The following ELF2 variants were observed in gnomAD, a reference collection of about 807,000 sequenced individuals.
ELF2 encodes the protein E74 like ETS transcription factor 2, also known as ETS-related transcription factor Elf-2.
Under a neutral mutation model 54.8 loss-of-function variants are expected in ELF2, and 11 were observed. The observed-to-expected ratio is 0.20, with a 90% CI of 0.13 to 0.33. The LOEUF (loss-of-function observed/expected upper bound fraction) is 0.33, where lower values mean the gene tolerates loss of function less well. Among genes scored for constraint, ELF2 ranks in the 10% least tolerant of loss-of-function variants. The pLI is 1.00. For synonymous variants in ELF2, 203 were observed against 245.1 expected, an observed-to-expected ratio of 0.83 and a Z score of 1.61; for missense variants, 513 against 703.0, an observed-to-expected ratio of 0.73 and a Z score of 3.06.
chr4:139,129,481 T>C (rs1215987422), intron 3 of ELF2, among the ~76,000 whole-genome samples: 1 of 152,216 alleles, frequency 6.6e-6, no homozygotes, highest in African/African-American at 2.4e-5. Context: ...CTACCAACTT[T>C]AACATCACTA....
In ELF2 at chr4:139,153,966, A is replaced by G. The variant is rs1740281502; in HGVS notation, c.-251-14469T>C. On this transcript the variant is annotated intron_variant, in intron 1 of 9. Coordinates refer to ENST00000686138, the MANE Select transcript of ELF2 (RefSeq NM_001331036.3). The stretch of plus-strand genomic sequence containing the variant: ...TTTATTTTTTCTTTCCCCTTTCCCT[A>G]CTGTCCCCTTTTTCCCCTTTAAAGG... Among the ~76,000 whole-genome samples, 3 of 151,936 alleles carry G rather than the reference A, an allele frequency of 2.0e-5. No individual in the cohort carries two copies. In the South Asian group the frequency reaches 6.2e-4, roughly 32 times the overall value.
At chr4:139,177,780 A>C (rs1355353581), upstream of ELF2, among the ~76,000 whole-genome samples, 2 of 152,034 alleles carry the variant, frequency 1.3e-5, no homozygotes, top group Non-Finnish European at 2.9e-5. Context: ...CGCATCCCCA[A>C]CTCAGGACTC....
chr4:139,091,209 C>A (rs1226546708), intron 4 of ELF2, among the ~76,000 whole-genome samples: 1 of 152,092 alleles, frequency 6.6e-6, no homozygotes, highest in Non-Finnish European at 1.5e-5. Context: ...GGATTAAAGG[C>A]GTGAGCCACC....
chr4:139,086,799 A>AT (rs1277599291), intron 4 of ELF2, among the ~76,000 whole-genome samples: 1 of 152,228 alleles, frequency 6.6e-6, no homozygotes, highest in Non-Finnish European at 1.5e-5. Flanking sequence ...TACAGTGGGT[A>AT]TAATTACCAC....
chr4:139,065,125 G>A (rs754450865), intron 7 of ELF2, among the ~76,000 whole-genome samples: 5 of 152,086 alleles, frequency 3.3e-5, no homozygotes, highest in Non-Finnish European at 5.9e-5. Flanking sequence ...CTGTACATAA[G>A]ATATCTGAAT....
intron 1 of ELF2, among the ~76,000 whole-genome samples, chr4:139,158,126 G>A (rs1260202146): frequency 6.6e-6 from 1 of 152,158 alleles, no homozygotes; most frequent in Admixed American, 6.5e-5. Flanking sequence ...GGTAGGTAAT[G>A]GAAAATTACA....
rs1489827039 is a variant in ELF2 at position 139,125,333 on chromosome 4, T to C, written c.73-4A>G. On this transcript the variant is annotated splice_region_variant and splice_polypyrimidine_tract_variant and intron_variant, in intron 3 of 9. Transcript: ENST00000686138. ...ATTCAGAAACCTTTTCACTTTCCTA[T>C]AAGAGCAAATTTAAAGAACAATCAA... is the stretch of plus-strand genomic sequence containing the variant. 1 of 1,602,574 alleles carries C rather than the reference T, an allele frequency of 6.2e-7. No individual in the cohort carries two copies. The highest frequency in any genetic ancestry group is 2.2e-5 in the East Asian group (1 of 44,832).
In ELF2 at chr4:139,073,582, A is replaced by C. The variant is rs367769301; in HGVS notation, c.239-15T>G. On this transcript the variant is annotated splice_polypyrimidine_tract_variant and intron_variant, in intron 4 of 9. Transcript: ENST00000686138. ...TGATGCTTCCACTGGAGGAAAAATA[A>C]GTTCTACTCAATTAAAAATACACTA... 8 of 1,477,790 alleles carry C rather than the reference A, an allele frequency of 5.4e-6. No individual in the cohort carries two copies. Among genetic ancestry groups the C allele is most frequent in the African/African-American group, 1.4e-5 (1 of 71,596 alleles). 91.5% of individuals were successfully genotyped at this position (1,477,790 alleles called of 1,614,324 possible).
chr4:139,084,490 CA>C (rs1345715066), intron 4 of ELF2: 13 of 953,258 alleles, frequency 1.4e-5, no homozygotes, highest in Non-Finnish European at 1.0e-5. Flanking sequence ...CCGCAGCTGG[CA>C]ACGCGATCCT....
chr4:139,095,125 T>C (rs1206051577), intron 4 of ELF2, among the ~76,000 whole-genome samples: 11 of 152,096 alleles, frequency 7.2e-5, no homozygotes, highest in Admixed American at 7.2e-4. Context: ...ATAATAATTC[T>C]AGTTAGTAAA....
chr4:139,175,812 A>G (rs1742847917), intron 1 of ELF2, among the ~76,000 whole-genome samples: 1 of 152,236 alleles, frequency 6.6e-6, no homozygotes, highest in Non-Finnish European at 1.5e-5. Flanking sequence ...TTTTACAATG[A>G]CGTGTCCCCC....
At chr4:139,090,999 T>C (rs1217850393) in intron 4 of ELF2, among the ~76,000 whole-genome samples, 1 of 152,100 alleles carries the variant, frequency 6.6e-6, no homozygotes, top group Admixed American at 6.6e-5. Flanking sequence ...AGTGGCGCAA[T>C]CTGGGCTCAC....
At chr4:139,115,377 C>T (rs1396454571) in intron 4 of ELF2, 2 of 1,056,666 alleles carry the variant, frequency 1.9e-6, no homozygotes, top group Non-Finnish European at 1.1e-6. Context: ...TCCGCCATGG[C>T]GGCCGCCGGG....
intron 4 of ELF2, among the ~76,000 whole-genome samples, chr4:139,078,771 G>A (rs1730671457): frequency 6.6e-6 from 1 of 151,744 alleles, no homozygotes. Context: ...GCTATCCTCC[G>A]ACCTTTTTTA....
intron 4 of ELF2, among the ~76,000 whole-genome samples, chr4:139,085,652 G>T (rs985904700): frequency 6.6e-6 from 1 of 152,090 alleles, no homozygotes; most frequent in Non-Finnish European, 1.5e-5. Context: ...CCCAAAAAAA[G>T]AACCTACATG....
At chr4:139,108,077 AG>A (rs1375721003) in intron 4 of ELF2, among the ~76,000 whole-genome samples, 5 of 152,216 alleles carry the variant, frequency 3.3e-5, no homozygotes, top group Non-Finnish European at 7.4e-5. Context: ...GCTTTATGAA[AG>A]AAAATGACAA....
At chr4:139,097,361 G>A (rs560816589) in intron 4 of ELF2, among the ~76,000 whole-genome samples, 63 of 152,174 alleles carry the variant, frequency 4.1e-4, no homozygotes, top group Middle Eastern at 6.8e-3. Flanking sequence ...TCGGCCAGAC[G>A]CGGTGGCACT....
chr4:139,068,254 C>T (rs1210989544), intron 6 of ELF2, among the ~76,000 whole-genome samples: 2 of 152,144 alleles, frequency 1.3e-5, no homozygotes, highest in Admixed American at 6.5e-5. Context: ...CTCCTGACCT[C>T]GTGATCCGTC....
intron 4 of ELF2, among the ~76,000 whole-genome samples, chr4:139,080,083 G>A (rs1199437961): frequency 1.3e-5 from 2 of 152,082 alleles, no homozygotes; most frequent in Non-Finnish European, 2.9e-5. Flanking sequence ...CAAACATGAG[G>A]AATTATTTTA....
Sources: gnomAD v4.1 joint callset for allele counts (sites outside exome capture counted in the v4.1 genomes callset) on GRCh38, gnomAD v4.1.1 for gene constraint, MANE v1.5 for transcripts, NCBI Gene and HGNC (gene_info 2026-07-23, HGNC 2026-07-21) for gene names.